The following PRTG variants were observed in gnomAD, a reference collection of about 807,000 sequenced individuals.
PRTG encodes immunoglobulin superfamily, DCC subclass, member 5.
Under a neutral mutation model 122.5 loss-of-function variants are expected in PRTG, and 67 were observed. The ratio of observed to expected loss-of-function variants is 0.55; its 90% CI spans 0.45 to 0.67. The LOEUF (loss-of-function observed/expected upper bound fraction) is 0.67, where lower values mean the gene tolerates loss of function less well. Among genes scored for constraint, PRTG ranks in the 30% least tolerant of loss-of-function variants. PRTG has a pLI of 0.00. For missense variants in PRTG, 1,435 were observed against 1,415.4 expected, an observed-to-expected ratio of 1.01 and a Z score of -0.22; for synonymous variants, 554 against 501.1, an observed-to-expected ratio of 1.11 and a Z score of -1.41.
intron 8 of PRTG, among the ~76,000 whole-genome samples, chr15:55,677,179 T>C (rs1251754652): frequency 1.3e-5 from 2 of 152,106 alleles, no homozygotes; most frequent in Non-Finnish European, 2.9e-5. Context: ...AATTTTTAAA[T>C]CTCCAAAATA....
chr15:55,634,096 T>C (rs1567076602), intron 15 of PRTG, among the ~76,000 whole-genome samples: 1 of 145,720 alleles, frequency 6.9e-6, no homozygotes, highest in East Asian at 2.1e-4. Context: ...AGATGGTGTT[T>C]CACTCTTGTT....
chr15:55,666,404 A>T (rs903522598), intron 11 of PRTG, among the ~76,000 whole-genome samples: 2 of 152,210 alleles, frequency 1.3e-5, no homozygotes, highest in African/African-American at 4.8e-5. Context: ...ACATTTTGGG[A>T]AGACACAAAC....
At position 55,611,701 on chromosome 15, in the gene PRTG, A is replaced by G. The variant is rs1449930600; in HGVS notation, c.*8311T>C. 1 of 152,010 alleles carries G rather than the reference A, an allele frequency of 6.6e-6. No individual in the cohort carries two copies. Among genetic ancestry groups the G allele is most frequent in the South Asian group, 2.1e-4 (1 of 4,824 alleles). 9.4% of individuals were successfully genotyped at this position (152,010 alleles called of 1,614,324 possible). On this transcript the variant is annotated 3_prime_UTR_variant, in exon 20 of 20. Transcript: ENST00000389286. ...CCCAGTGGGGTGGGGGCAAGTACTA[A>G]GCAATATTTACTATGATACTAGAAA... is the stretch of plus-strand genomic sequence containing the variant.
intron 11 of PRTG, among the ~76,000 whole-genome samples, chr15:55,664,672 G>A (rs2053335): frequency 0.86 from 130,580 of 151,880 alleles, 56,559 homozygotes; most frequent in East Asian, 1. Context: ...CTGCTACCTC[G>A]ACCTCCTGGA....
chr15:55,653,255 A>G (rs9920246), intron 11 of PRTG, among the ~76,000 whole-genome samples: 104,321 of 151,864 alleles, frequency 0.69, 36,328 homozygotes, highest in Middle Eastern at 0.78. Context: ...GAAGCTGACC[A>G]GTAGAGTACT....
At chr15:55,628,686 C>T (rs1367197076) in intron 16 of PRTG, 136 bp downstream of exon 16, 2 of 655,278 alleles carry the variant, frequency 3.1e-6, no homozygotes, top group East Asian at 5.3e-5. Flanking sequence ...TCTATAACAT[C>T]AGAAGCTCAT....
chr15:55,658,831 T>G (rs1419923126), intron 11 of PRTG, among the ~76,000 whole-genome samples: 1 of 152,184 alleles, frequency 6.6e-6, no homozygotes, highest in Non-Finnish European at 1.5e-5. Context: ...TTCTTAAGTT[T>G]TGTGTTTCTG....
At position 55,677,804 on chromosome 15, in the gene PRTG, T is replaced by C; in HGVS notation, c.1374A>G (p.Lys458=). ...ACTCCTAAAATCGCTTACCTTCTGC[T>C]TTCATGTAGTGTACAGAATAGGCAA... is the stretch of plus-strand genomic sequence containing the variant. ...KVIAYSVHYM[K]AEGLNNEEYQ... is the part of the protein sequence containing the mutation. Residue 458 remains lysine (K), a synonymous_variant, in exon 8 of 20, where the codon AAA becomes AAG. Coordinates refer to ENST00000389286, the MANE Select transcript of PRTG (RefSeq NM_173814.6). 1 of 1,613,224 alleles carries C rather than the reference T, an allele frequency of 6.2e-7. No individual in the cohort carries two copies. The highest frequency in any genetic ancestry group is 1.3e-5 in the African/African-American group (1 of 75,010).
intron 4 of PRTG, among the ~76,000 whole-genome samples, chr15:55,680,979 A>G (rs2059534866): frequency 6.6e-6 from 1 of 152,166 alleles, no homozygotes; most frequent in Admixed American, 6.5e-5. Flanking sequence ...GACATTTCAT[A>G]TAAATGGAAC....
rs1457794842 is a variant in PRTG, at chr15:55,732,449, T to C, written c.397+7933A>G. ...ATCTACCTGCCTCAGGCTTCCAGAG[T>C]GCTGGGATTACAGGTATGAGCAACT... On this transcript the variant is annotated intron_variant, in intron 2 of 19. Transcript: ENST00000389286. Among the ~76,000 whole-genome samples, 4 of 151,294 alleles carry C rather than the reference T, an allele frequency of 2.6e-5. No homozygotes were observed. The East Asian group carries it at 7.8e-4, about 29-fold the overall frequency.
intron 11 of PRTG, among the ~76,000 whole-genome samples, chr15:55,642,515 G>T (rs2059297687): frequency 6.9e-6 from 1 of 144,744 alleles, no homozygotes. Context: ...TACTTGAGGA[G>T]ACTAAGACAG....
At chr15:55,657,452 C>A (rs1301484401) in intron 11 of PRTG, among the ~76,000 whole-genome samples, 1 of 152,116 alleles carries the variant, frequency 6.6e-6, no homozygotes, top group African/African-American at 2.4e-5. Flanking sequence ...TCTAGGTCAA[C>A]CAAAACTCTG....
chr15:55,665,075 G>A (rs900660131), intron 11 of PRTG, among the ~76,000 whole-genome samples: 11 of 151,794 alleles, frequency 7.2e-5, no homozygotes, highest in Admixed American at 4.6e-4. Flanking sequence ...TGGCTAACAC[G>A]GTGAAACGTC....
At chr15:55,630,611 G>A (rs1053795218) in intron 15 of PRTG, among the ~76,000 whole-genome samples, 1 of 152,096 alleles carries the variant, frequency 6.6e-6, no homozygotes, top group African/African-American at 2.4e-5. Flanking sequence ...ATATCTAAAG[G>A]TATTTTCTCT....
chr15:55,642,335 G>T (rs1457272444), intron 11 of PRTG, among the ~76,000 whole-genome samples: 1 of 151,766 alleles, frequency 6.6e-6, no homozygotes, highest in East Asian at 1.9e-4. Flanking sequence ...ATACAACTCA[G>T]GCTGGGTGCA....
At chr15:55,740,966 C>T (rs908741416) in intron 1 of PRTG, among the ~76,000 whole-genome samples, 4 of 152,168 alleles carry the variant, frequency 2.6e-5, no homozygotes, top group Non-Finnish European at 5.9e-5. Flanking sequence ...GCTAGAGTTT[C>T]AAAATCATCA....
chr15:55,637,268 G>T lies in PRTG; in HGVS notation c.2525C>A (p.Pro842His). Reference protein sequence around the residue: ...EDDTALVSWKPPDGPETVVTR... With the variant: ...EDDTALVSWKHPDGPETVVTR... Reference sequence around the variant, plus strand: ...CACAACTGTTTCTGGGCCATCAGGGGGTTTCCAAGAAACCAGGGCAGTGTC... The same window carrying T: ...CACAACTGTTTCTGGGCCATCAGGGTGTTTCCAAGAAACCAGGGCAGTGTC... The change falls in exon 15 of 20, where the codon CCC (proline) becomes CAC (histidine). Residue 842 changes from proline to histidine, a missense_variant. Pro to His is a moderately conservative substitution (Grantham distance 77, BLOSUM62 -2). Coordinates refer to ENST00000389286, the MANE Select transcript of PRTG (RefSeq NM_173814.6). The T allele has an allele frequency of 6.2e-7, 1 of 1,613,882 alleles. No homozygotes were observed. The highest frequency in any genetic ancestry group is 8.5e-7 in the Non-Finnish European group (1 of 1,179,964).
intron 2 of PRTG, among the ~76,000 whole-genome samples, chr15:55,710,822 A>G (rs2030351938): frequency 6.6e-6 from 1 of 152,170 alleles, no homozygotes; most frequent in Admixed American, 6.6e-5. Flanking sequence ...GGTGAGAGAT[A>G]AAAGGAAAAG....
chr15:55,709,644 A>G (rs1484752289), intron 2 of PRTG, among the ~76,000 whole-genome samples: 2 of 152,186 alleles, frequency 1.3e-5, no homozygotes, highest in Non-Finnish European at 2.9e-5. Context: ...AATGTAAATT[A>G]ACAAGTGAGT....
Sources: allele counts gnomAD v4.1 joint callset (sites outside exome capture counted in the v4.1 genomes callset), GRCh38; gene constraint gnomAD v4.1.1; transcripts MANE v1.5; gene names NCBI Gene and HGNC (gene_info 2026-07-23, HGNC 2026-07-21).